LY75: variants seen among roughly 807,000 people sequenced by gnomAD.
LY75 encodes the protein lymphocyte antigen 75.
LY75 carries 185 observed loss-of-function variants against 231.7 expected under a neutral mutation model. The observed-to-expected ratio is 0.80, with a 90% CI of 0.71 to 0.90. LY75 has a LOEUF of 0.90. Ranked by LOEUF, LY75 falls within the 40% of genes least tolerant of loss-of-function variation. LY75 has a pLI of 0.00. For synonymous variants in LY75, 668 were observed against 689.0 expected, an observed-to-expected ratio of 0.97 and a Z score of 0.48; for missense variants, 1,947 against 2,050.2, an observed-to-expected ratio of 0.95 and a Z score of 0.97.
intron 11 of LY75, 88 bp from the exon 12 acceptor site, chr2:159,875,731 T>C (rs1324472448): frequency 1.3e-6 from 2 of 1,513,402 alleles, no homozygotes; most frequent in Non-Finnish European, 1.8e-6. Context: ...TTCAGCCAAG[T>C]TGGGGAGAGA....
rs755703125 is a variant in LY75 at position 159,834,228 on chromosome 2, TG to T, written c.3674-18del. 6.2e-7 allele frequency: 1 copy of T among 1,612,230 alleles called. No homozygotes were observed. The highest frequency in any genetic ancestry group is 2.2e-5 in the East Asian group (1 of 44,824). On this transcript the variant is annotated intron_variant, in intron 26 of 34. Coordinates refer to ENST00000263636, the MANE Select transcript of LY75 (RefSeq NM_002349.4). ...CAGTCTCATCTAGAAAAAGAGTTAA[TG>T]GTAAGAATTCTAATTTGAGATATAA...
chr2:159,882,880 T>C (rs1419695939), intron 6 of LY75, among the ~76,000 whole-genome samples: 1 of 152,060 alleles, frequency 6.6e-6, no homozygotes, highest in Non-Finnish European at 1.5e-5. Context: ...CCTGGACTTC[T>C]TTCCTCCCCT....
intron 16 of LY75, among the ~76,000 whole-genome samples, chr2:159,855,981 G>A (rs558939151): frequency 3.9e-5 from 6 of 152,262 alleles, no homozygotes; most frequent in East Asian, 1.9e-4. Flanking sequence ...AGTTCTATTC[G>A]TATTGGATAA....
rs1339185335 is a variant in LY75, at chr2:159,835,639, G to C, written c.3514C>G (p.Leu1172Val). ...WIGLFSQDDELNFGWSDGKRL... is the reference protein window; with the variant it reads ...WIGLFSQDDEVNFGWSDGKRL... ...TTCCCATCTGACCAACCAAAGTTGA[G>C]TTCATCCTGTAAGGAGCAGAAGTAC... The change falls in exon 26 of 35, where the codon CTC becomes GTC. Residue 1172 changes from leucine to valine, a missense_variant. Transcript: ENST00000263636. The C allele has an allele frequency of 1.9e-6, 3 of 1,613,210 alleles. No individual in the cohort carries two copies. In the African/African-American group the frequency reaches 4.0e-5, roughly 22 times the overall value.
At chr2:159,808,139 G>T (rs1682842575) in intron 33 of LY75, 3 of 984,836 alleles carry the variant, frequency 3.0e-6, no homozygotes, top group Non-Finnish European at 3.6e-6. Context: ...TTCCTTGTGG[G>T]GACACAGACA....
rs778150515 is a variant in LY75, at chr2:159,816,939, TA to T, written c.4246del (p.Tyr1416MetfsTer4). ...YSVIQKKVTW[Y>X]EALNMCSQSG... ...TTGAGAACACATGTTTAATGCTTCA[TA>T]CCATGTTACCTTTTTTTGAATAACA... On this transcript the variant is annotated frameshift_variant, in exon 30 of 35. Coordinates refer to ENST00000263636, the MANE Select transcript of LY75 (RefSeq NM_002349.4). LOFTEE classifies it high-confidence loss of function. 29 of 1,614,082 alleles carry T rather than the reference TA, an allele frequency of 1.8e-5. No individual in the cohort carries two copies. Among genetic ancestry groups the T allele is most frequent in the Non-Finnish European group, 2.4e-5 (28 of 1,180,032 alleles).
chr2:159,809,415 CG>C (rs1225857560), intron 32 of LY75, among the ~76,000 whole-genome samples: 1 of 152,138 alleles, frequency 6.6e-6, no homozygotes, highest in African/African-American at 2.4e-5. Context: ...TATTGCAGAA[CG>C]GATGGACAAC....
At chr2:159,809,170 A>G (rs1451922747) in intron 32 of LY75, among the ~76,000 whole-genome samples, 1 of 152,236 alleles carries the variant, frequency 6.6e-6, no homozygotes, top group Admixed American at 6.5e-5. Context: ...GGTTATCAGA[A>G]TAAATTAGAT....
intron 26 of LY75, 57 bp from the exon 27 acceptor site, chr2:159,834,268 T>C (rs1406419467): frequency 3.8e-6 from 6 of 1,598,706 alleles, no homozygotes; most frequent in Admixed American, 1.7e-5. Context: ...TTAAATCCTG[T>C]TTGCAGTCAT....
intron 3 of LY75, among the ~76,000 whole-genome samples, chr2:159,893,487 T>G (rs752643926): frequency 6.6e-5 from 10 of 152,192 alleles, no homozygotes; most frequent in Non-Finnish European, 1.5e-4. Context: ...ATAAATTTGT[T>G]GCAATTTTGT....
intron 7 of LY75, 117 bp from the exon 8 acceptor site, chr2:159,881,357 T>A: frequency 8.2e-7 from 1 of 1,215,548 alleles, no homozygotes; most frequent in Non-Finnish European, 1.1e-6. Context: ...GTAGTATTCT[T>A]AATTCGGTTA....
chr2:159,882,059 G>T, intron 7 of LY75, 65 bp downstream of exon 7: 1 of 1,536,042 alleles, frequency 6.5e-7, no homozygotes, highest in Non-Finnish European at 8.8e-7. Context: ...CCCACAAAGA[G>T]TCTAAAACCA....
At chr2:159,833,867 T>C (rs746452664) in intron 27 of LY75, among the ~76,000 whole-genome samples, 177 bp downstream of exon 27, 5 of 152,236 alleles carry the variant, frequency 3.3e-5, no homozygotes, top group African/African-American at 4.8e-5. Context: ...CTGCACATGC[T>C]CTCTTGCCTG....
At chr2:159,828,344 A>G (rs1683543312) in intron 28 of LY75, among the ~76,000 whole-genome samples, 1 of 151,976 alleles carries the variant, frequency 6.6e-6, no homozygotes, top group Admixed American at 6.6e-5. Flanking sequence ...CATGAGCAAA[A>G]AATCTGAATA....
chr2:159,864,493 G>T (rs1293881654), intron 14 of LY75, among the ~76,000 whole-genome samples: 1 of 152,124 alleles, frequency 6.6e-6, no homozygotes. Context: ...TTATAGAAGA[G>T]ACTGTCCTTT....
chr2:159,810,185 G>C (rs1050346469), intron 32 of LY75, among the ~76,000 whole-genome samples: 3 of 151,362 alleles, frequency 2.0e-5, no homozygotes, highest in South Asian at 2.1e-4. Context: ...AGGTGTGTGC[G>C]ACCACACCCA....
At chr2:159,851,479 C>T (rs1026044822) in intron 21 of LY75, among the ~76,000 whole-genome samples, 2 of 152,120 alleles carry the variant, frequency 1.3e-5, no homozygotes. Flanking sequence ...AGCTCGGAAG[C>T]CTTATATTAA....
chr2:159,852,034 C>T (rs533112437), intron 21 of LY75, among the ~76,000 whole-genome samples, 167 bp downstream of exon 21: 1 of 152,296 alleles, frequency 6.6e-6, no homozygotes, highest in East Asian at 1.9e-4. Flanking sequence ...AGAGTTAATT[C>T]TTGATATCAT....
intron 13 of LY75, among the ~76,000 whole-genome samples, chr2:159,868,440 C>T (rs1684916739): frequency 6.6e-6 from 1 of 152,108 alleles, no homozygotes; most frequent in African/African-American, 2.4e-5. Flanking sequence ...TAAGGGTTTA[C>T]TATGTTTATA....
Sources: allele counts gnomAD v4.1 joint callset (sites outside exome capture counted in the v4.1 genomes callset), GRCh38; gene constraint gnomAD v4.1.1; transcripts MANE v1.5; gene names NCBI Gene and HGNC (gene_info 2026-07-23, HGNC 2026-07-21).